The following DNMT1 variants were observed in gnomAD, a reference collection of about 807,000 sequenced individuals.
The protein encoded by DNMT1 is DNA methyltransferase 1.
Under a neutral mutation model 205.3 loss-of-function variants are expected in DNMT1, and 24 were observed. The observed-to-expected ratio is 0.12, with a 90% CI of 0.08 to 0.16. DNMT1 has a LOEUF of 0.16. Ranked by LOEUF, DNMT1 falls within the 10% of genes least tolerant of loss-of-function variation. The probability of loss-of-function intolerance (pLI) is 1.00; values close to 1 mark genes in which losing one functional copy is unlikely to be tolerated. For missense variants in DNMT1, 1,293 were observed against 2,177.7 expected (o/e 0.59, Z 8.09); for synonymous variants, 817 against 839.8 (o/e 0.97, Z 0.47).
chr19:10,180,997 C>G (rs1269533214), intron 2 of DNMT1, 112 bp from the exon 3 acceptor site: 5 of 845,020 alleles, frequency 5.9e-6, no homozygotes, highest in Non-Finnish European at 7.9e-6. Flanking sequence ...GAATGGCAGG[C>G]AATGCTGTCT....
At position 10,177,347 on chromosome 19, in the gene DNMT1, T is replaced by C. The variant is rs1462015831; in HGVS notation, c.514A>G (p.Arg172Gly). The stretch of plus-strand genomic sequence containing the variant: ...TGCCTGGTGCTTTTCCTTGTAATCC[T>C]GGGGCTAGGTGAAGGTTCAGCTGTT... ...GIRAEPSPSP[R>G]ITRKSTRQTT... is the part of the protein sequence containing the mutation. The change falls in exon 6 of 41, where the codon AGG (arginine) becomes GGG (glycine). Residue 172 changes from arginine (R) to glycine (G), a missense_variant. This residue lies in a region of DNMT1 where 394 missense variants were observed against 451.6 expected (regional missense o/e 0.87). Coordinates refer to ENST00000359526, the MANE Select transcript of DNMT1 (RefSeq NM_001130823.3). 6.2e-7 allele frequency: 1 copy of C among 1,613,620 alleles called. No homozygotes were observed. The highest frequency in any genetic ancestry group is 8.5e-7 in the Non-Finnish European group (1 of 1,179,912).
chr19:10,137,292 T>C lies in DNMT1; in HGVS notation c.4294-12A>G. 1 of 1,598,250 alleles carries C rather than the reference T, an allele frequency of 6.3e-7. No individual in the cohort carries two copies. Among genetic ancestry groups the C allele is most frequent in the Non-Finnish European group, 8.5e-7 (1 of 1,174,168 alleles). On this transcript the variant is annotated splice_polypyrimidine_tract_variant and intron_variant, in intron 36 of 40. Coordinates refer to ENST00000359526, the MANE Select transcript of DNMT1 (RefSeq NM_001130823.3). This position sits in a 1 kb window ranked among gnomAD's most constrained non-coding sequence, Gnocchi z 6.4. Reference sequence around the variant, plus strand: ...AATGCACTCATGTCCTGAAAGAGTGTGGGGGGCCCAGCTGTCACCTCATGT... The same window carrying C: ...AATGCACTCATGTCCTGAAAGAGTGCGGGGGGCCCAGCTGTCACCTCATGT...
chr19:10,153,241 G>A (rs1003021234), intron 22 of DNMT1, among the ~76,000 whole-genome samples: 1 of 152,154 alleles, frequency 6.6e-6, no homozygotes, highest in Non-Finnish European at 1.5e-5. Context: ...TCATTGAGGA[G>A]TAAGTTAGGA....
intron 30 of DNMT1, 171 bp from the exon 31 acceptor site, chr19:10,141,360 A>C (rs2089597571): frequency 1.5e-6 from 1 of 668,536 alleles, no homozygotes; most frequent in East Asian, 2.8e-5. Flanking sequence ...AACTTAAAAC[A>C]ATCCATTTTA....
intron 28 of DNMT1, chr19:10,144,411 G>GAAAA: frequency 5.7e-6 from 1 of 175,592 alleles, no homozygotes; most frequent in East Asian, 1.4e-4. Context: ...CCATCTCACA[G>GAAAA]AAAAAAAAAA....
intron 22 of DNMT1, among the ~76,000 whole-genome samples, chr19:10,153,586 G>A (rs2038393569): frequency 6.6e-6 from 1 of 151,120 alleles, no homozygotes. Flanking sequence ...ACGGTGAGCT[G>A]AGATGGTGCC....
At position 10,147,271 on chromosome 19, in the gene DNMT1, A is replaced by G. The variant is rs994875272; in HGVS notation, c.2721-747T>C. 2.0e-5 allele frequency among the ~76,000 whole-genome samples: 3 copies of G among 151,192 alleles called. No homozygotes were observed. In the South Asian group the frequency reaches 6.3e-4, roughly 32 times the overall value. On this transcript the variant is annotated intron_variant, in intron 27 of 40. Transcript: ENST00000359526. Reference sequence around the variant, plus strand: ...AGGGAGACCCTGTCTCAGATAAATAAATAAATAAATAAATAAATAAATAAA... The same window carrying G: ...AGGGAGACCCTGTCTCAGATAAATAGATAAATAAATAAATAAATAAATAAA...
chr19:10,175,230 G>T (rs1046547136), intron 7 of DNMT1, among the ~76,000 whole-genome samples: 3 of 151,500 alleles, frequency 2.0e-5, no homozygotes, highest in Non-Finnish European at 4.4e-5. Context: ...CAAATTTGCT[G>T]GCTTTCACAA....
chr19:10,180,646 T>TTCA lies in DNMT1; in HGVS notation c.226-80_226-78dup, dbSNP rs3217302. The TTCA allele has an allele frequency of 0.017, 25,174 of 1,466,802 alleles. 543 individuals carry two copies. The highest frequency in any genetic ancestry group is 0.085 in the South Asian group (7,303 of 86,362). The allele number at this position is 1,466,802 out of a possible 1,614,324, so 90.9% of individuals were successfully genotyped here. ...AGAACAAGGAAACACATGTGTTTCC[T>TTCA]TCATCATCATCATCATCATCATCAT... On this transcript the variant is annotated intron_variant, in intron 3 of 40. Coordinates refer to ENST00000359526, the MANE Select transcript of DNMT1 (RefSeq NM_001130823.3).
At chr19:10,163,106 C>T in intron 12 of DNMT1, 1 of 599,546 alleles carries the variant, frequency 1.7e-6, no homozygotes, top group East Asian at 2.9e-5. Flanking sequence ...GGATTATAGG[C>T]ACCCGCCACC....
At chr19:10,178,277 C>T (rs2038973854) in intron 5 of DNMT1, among the ~76,000 whole-genome samples, 1 of 151,546 alleles carries the variant, frequency 6.6e-6, no homozygotes, top group African/African-American at 2.4e-5. Flanking sequence ...AAATAAAGGG[C>T]CAGGTGAGGT....
At chr19:10,187,955 C>T (rs1424046803) in intron 1 of DNMT1, among the ~76,000 whole-genome samples, 1 of 151,134 alleles carries the variant, frequency 6.6e-6, no homozygotes, top group Non-Finnish European at 1.5e-5. Context: ...CCAGCCTGGG[C>T]AACACAGCAG....
At chr19:10,163,420 C>G in intron 11 of DNMT1, 60 bp from the exon 12 acceptor site, 1 of 1,558,566 alleles carries the variant, frequency 6.4e-7, no homozygotes, top group Non-Finnish European at 8.8e-7. Flanking sequence ...AGTTTCTGAG[C>G]CAGAGTGAGA....
In DNMT1 at chr19:10,133,411, T is replaced by G. The variant is rs1258297772; in HGVS notation, c.*256A>C. Reference sequence around the variant, plus strand: ...TATAAAAACTACATAAAGTCTTAATTTCCACTCATACAGTGGTAGATTTGA... The same window carrying G: ...TATAAAAACTACATAAAGTCTTAATGTCCACTCATACAGTGGTAGATTTGA... On this transcript the variant is annotated 3_prime_UTR_variant, in exon 41 of 41. Coordinates refer to ENST00000359526, the MANE Select transcript of DNMT1 (RefSeq NM_001130823.3). This position sits in a 1 kb window ranked among gnomAD's most constrained non-coding sequence, Gnocchi z 4.1. 2 of 556,720 alleles carry G rather than the reference T, an allele frequency of 3.6e-6. No homozygotes were observed. Among genetic ancestry groups the G allele is most frequent in the African/African-American group, 3.8e-5 (2 of 53,252 alleles). 34.5% of individuals were successfully genotyped at this position (556,720 alleles called of 1,614,324 possible). A position where few individuals can be genotyped will look rare whatever the true frequency, so the allele number is the denominator to read the frequency against.
intron 14 of DNMT1, 151 bp downstream of exon 14, chr19:10,160,233 G>A: frequency 6.6e-7 from 1 of 1,505,672 alleles, no homozygotes; most frequent in Non-Finnish European, 9.1e-7. Context: ...GGGGCATCCT[G>A]CCTGACGCAC....
In DNMT1 at chr19:10,160,070, GA is replaced by G. The variant is rs59599980; in HGVS notation, c.1044-8del. On this transcript the variant is annotated splice_region_variant and splice_polypyrimidine_tract_variant and intron_variant, in intron 14 of 40. Coordinates refer to ENST00000359526, the MANE Select transcript of DNMT1 (RefSeq NM_001130823.3). The stretch of plus-strand genomic sequence containing the variant: ...AGCCATTTTTTTCTCCGTTCTGGGG[GA>G]AAAAAAAAAATCACAAGATCGTTTG... The G allele has an allele frequency of 0.66, 1,034,983 of 1,558,330 alleles. 338,477 individuals carry two copies. The highest frequency in any genetic ancestry group is 0.79 in the African/African-American group (58,747 of 74,036).
intron 28 of DNMT1, chr19:10,144,842 G>T (rs6511570): frequency 6.6e-6 from 1 of 152,030 alleles, no homozygotes; most frequent in Non-Finnish European, 1.5e-5. Flanking sequence ...AGGTTCAAGC[G>T]ATTCTCGTGC....
chr19:10,166,730 G>A (rs1396275958), intron 10 of DNMT1, 45 bp from the exon 11 acceptor site: 1 of 1,610,506 alleles, frequency 6.2e-7, no homozygotes, highest in East Asian at 2.2e-5. Flanking sequence ...AGCTCGGGGG[G>A]GGCCCTGCAC....
intron 13 of DNMT1, among the ~76,000 whole-genome samples, chr19:10,160,939 T>C (rs2038554312): frequency 6.6e-6 from 1 of 152,090 alleles, no homozygotes; most frequent in Non-Finnish European, 1.5e-5. Context: ...CCTGAAAAGA[T>C]TTAGAGGAAA....
Sources: gnomAD v4.1 joint callset for allele counts (sites outside exome capture counted in the v4.1 genomes callset) on GRCh38, gnomAD v4.1.1 for gene constraint, gnomAD v4.1.1 regional missense constraint, Gnocchi (gnomAD v3.1) non-coding constraint, MANE v1.5 for transcripts, NCBI Gene and HGNC (gene_info 2026-07-23, HGNC 2026-07-21) for gene names.